The following FHIT variants were observed in gnomAD, a reference collection of about 807,000 sequenced individuals.
The protein encoded by FHIT is fragile histidine triad diadenosine triphosphatase.
In FHIT, 19 loss-of-function variants were observed where a neutral mutation model predicts 17.9. That is an observed-to-expected ratio of 1.06 (90% CI 0.74 to 1.56). FHIT has a LOEUF of 1.56. Ranked by LOEUF, FHIT falls within the 40% of genes most tolerant of loss-of-function variation. The probability of loss-of-function intolerance (pLI) is 0.00; values close to 1 mark genes in which losing one functional copy is unlikely to be tolerated. For missense variants in FHIT, 248 were observed against 189.2 expected, an observed-to-expected ratio of 1.31 and a Z score of -1.82; for synonymous variants, 81 against 69.7, an observed-to-expected ratio of 1.16 and a Z score of -0.81.
intron 4 of FHIT, among the ~76,000 whole-genome samples, chr3:60,757,039 A>C (rs1336593119): frequency 6.6e-6 from 1 of 151,426 alleles, no homozygotes; most frequent in East Asian, 1.9e-4. Flanking sequence ...AAACAACAGC[A>C]AAAAAAAATC....
At chr3:60,863,373 T>C (rs557775051) in intron 3 of FHIT, among the ~76,000 whole-genome samples, 2 of 152,312 alleles carry the variant, frequency 1.3e-5, no homozygotes, top group Non-Finnish European at 2.9e-5. Context: ...CAGTGAGACA[T>C]GTATTGGGCT....
chr3:60,438,805 T>C (rs546958149), intron 5 of FHIT, among the ~76,000 whole-genome samples: 18 of 152,130 alleles, frequency 1.2e-4, no homozygotes, highest in Non-Finnish European at 2.2e-4. Context: ...GAGAACATAA[T>C]GATGTCCGTG....
chr3:60,251,904 T>G (rs909638368), intron 5 of FHIT, among the ~76,000 whole-genome samples: 2 of 152,154 alleles, frequency 1.3e-5, no homozygotes, highest in Non-Finnish European at 2.9e-5. Context: ...ACACGAGGCA[T>G]GTAATAGTGT....
chr3:59,885,250 C>A (rs1703570664), intron 8 of FHIT, among the ~76,000 whole-genome samples: 1 of 152,106 alleles, frequency 6.6e-6, no homozygotes, highest in African/African-American at 2.4e-5. Context: ...GAGATCACAG[C>A]TTCATCATGG....
At chr3:60,483,476 C>T (rs2033705042) in intron 5 of FHIT, among the ~76,000 whole-genome samples, 1 of 152,134 alleles carries the variant, frequency 6.6e-6, no homozygotes, top group Non-Finnish European at 1.5e-5. Flanking sequence ...AAAACTTATC[C>T]ACCACGATCA....
intron 7 of FHIT, among the ~76,000 whole-genome samples, chr3:59,944,298 G>T (rs182111970): frequency 1.1e-4 from 17 of 152,248 alleles, no homozygotes; most frequent in East Asian, 9.7e-4. Context: ...CTCATGTGGA[G>T]ATTGGTATAA....
chr3:61,134,467 G>A (rs2036856350), intron 2 of FHIT, among the ~76,000 whole-genome samples: 1 of 152,108 alleles, frequency 6.6e-6, no homozygotes, highest in African/African-American at 2.4e-5. Context: ...CAGGATTTAA[G>A]AGCAGATAGG....
intron 5 of FHIT, among the ~76,000 whole-genome samples, chr3:60,422,570 A>G (rs2107268015): frequency 6.6e-6 from 1 of 152,244 alleles, no homozygotes; most frequent in African/African-American, 2.4e-5. Flanking sequence ...TCTGATTTAC[A>G]TAAACTCAAG....
intron 5 of FHIT, among the ~76,000 whole-genome samples, chr3:60,534,870 T>C (rs949377350): frequency 1.3e-5 from 2 of 152,232 alleles, no homozygotes; most frequent in African/African-American, 2.4e-5. Context: ...TTCCTAGACA[T>C]AGACATTTCT....
chr3:59,991,633 T>C (rs1157951837), intron 7 of FHIT, among the ~76,000 whole-genome samples: 1 of 152,072 alleles, frequency 6.6e-6, no homozygotes, highest in Non-Finnish European at 1.5e-5. Context: ...TAGTCCCTTC[T>C]TCCTTCCTTC....
Position 60,520,052 on chromosome 3 carries a change from T to C in FHIT, c.103+16808A>G, listed in dbSNP as rs556117027. On this transcript the variant is annotated intron_variant, in intron 5 of 9. Coordinates refer to ENST00000492590, the MANE Select transcript of FHIT (RefSeq NM_002012.4). ...TTAATTTTATGCATTTATGATTTCATACACCATCTTTATATTTCTTTATAT... is the reference window on the plus strand; with the variant it reads ...TTAATTTTATGCATTTATGATTTCACACACCATCTTTATATTTCTTTATAT... Among the ~76,000 whole-genome samples, 13 of 152,334 alleles carry C rather than the reference T, an allele frequency of 8.5e-5. No individual in the cohort carries two copies. In the South Asian group the frequency reaches 2.5e-3, roughly 29 times the overall value.
At chr3:59,937,477 C>T (rs1706298899) in intron 7 of FHIT, among the ~76,000 whole-genome samples, 1 of 152,132 alleles carries the variant, frequency 6.6e-6, no homozygotes, top group Non-Finnish European at 1.5e-5. Flanking sequence ...TCAGGAGGGA[C>T]TCATTTTGGT....
intron 5 of FHIT, among the ~76,000 whole-genome samples, chr3:60,060,324 C>A (rs749663693): frequency 6.6e-6 from 1 of 152,070 alleles, no homozygotes; most frequent in Non-Finnish European, 1.5e-5. Context: ...GAATTTAGAC[C>A]GTAGAATCAA....
chr3:60,776,329 C>CT (rs1700216705), intron 4 of FHIT, among the ~76,000 whole-genome samples: 2 of 152,138 alleles, frequency 1.3e-5, no homozygotes, highest in South Asian at 4.2e-4. Context: ...CAAGAGAACT[C>CT]TAATTAATAC....
At chr3:61,127,538 C>A (rs1354485041) in intron 2 of FHIT, among the ~76,000 whole-genome samples, 2 of 152,098 alleles carry the variant, frequency 1.3e-5, no homozygotes, top group Non-Finnish European at 2.9e-5. Context: ...TGACAGTTTT[C>A]ATCTCTCACA....
At chr3:59,902,415 A>T (rs1056951727) in intron 8 of FHIT, among the ~76,000 whole-genome samples, 6 of 152,114 alleles carry the variant, frequency 3.9e-5, no homozygotes, top group African/African-American at 1.4e-4. Context: ...ATAGAATACC[A>T]TATGATCTAG....
At chr3:60,083,986 G>A (rs1216217721) in intron 5 of FHIT, among the ~76,000 whole-genome samples, 2 of 152,110 alleles carry the variant, frequency 1.3e-5, no homozygotes, top group African/African-American at 4.8e-5. Context: ...TGTGATAACT[G>A]GCACGTTTAT....
chr3:60,422,574 A>G (rs1702517160), intron 5 of FHIT, among the ~76,000 whole-genome samples: 1 of 152,088 alleles, frequency 6.6e-6, no homozygotes, highest in African/African-American at 2.4e-5. Context: ...ATTTACATAA[A>G]CTCAAGGGTA....
At chr3:60,777,970 G>A (rs547942637) in intron 4 of FHIT, among the ~76,000 whole-genome samples, 5 of 152,182 alleles carry the variant, frequency 3.3e-5, no homozygotes, top group South Asian at 2.1e-4. Context: ...TTTCAAAATC[G>A]TCTTCCCTGG....
Sources: gnomAD v4.1 joint callset for allele counts (sites outside exome capture counted in the v4.1 genomes callset) on GRCh38, gnomAD v4.1.1 for gene constraint, MANE v1.5 for transcripts, NCBI Gene and HGNC (gene_info 2026-07-23, HGNC 2026-07-21) for gene names.